The following SV2B variants were observed in gnomAD, a reference collection of about 807,000 sequenced individuals.
SV2B encodes the protein synaptic vesicle glycoprotein 2B, also known as solute carrier family 22 member B2.
A neutral mutation model predicts 73.9 loss-of-function variants in SV2B; 41 were observed. The observed-to-expected ratio is 0.56, with a 90% CI of 0.43 to 0.72. The LOEUF is 0.72. Ranked by LOEUF, SV2B falls within the 30% of genes least tolerant of loss-of-function variation. The pLI, the probability that SV2B is intolerant of heterozygous loss-of-function variation, is 0.00. For missense variants in SV2B, 764 were observed against 857.8 expected (o/e 0.89, Z 1.37); for synonymous variants, 314 against 314.2 (o/e 1.00, Z 0.01).
At chr15:91,230,339 T>C (rs2046530707) in intron 2 of SV2B, among the ~76,000 whole-genome samples, 1 of 152,080 alleles carries the variant, frequency 6.6e-6, no homozygotes, top group South Asian at 2.1e-4. Flanking sequence ...GGAAAGGAAT[T>C]CAGTAAGAGA....
At chr15:91,207,529 C>T (rs542463207) in intron 1 of SV2B, among the ~76,000 whole-genome samples, 11 of 152,096 alleles carry the variant, frequency 7.2e-5, no homozygotes, top group East Asian at 1.9e-4. Flanking sequence ...GTCAATTTAT[C>T]GGGGGCAATA....
chr15:91,282,552 A>G (rs1347838233), intron 10 of SV2B, among the ~76,000 whole-genome samples: 1 of 152,108 alleles, frequency 6.6e-6, no homozygotes, highest in Non-Finnish European at 1.5e-5. Context: ...TTTTTTTTTA[A>G]TCCTTCTCTT....
At chr15:91,158,703 C>CTCTTCTCTTCTCTTCTCTT (rs1567300692) in intron 1 of SV2B, among the ~76,000 whole-genome samples, 1 of 40,278 alleles carries the variant, frequency 2.5e-5, no homozygotes, top group Admixed American at 2.7e-4. Flanking sequence ...TCTCTTCTCT[C>CTCTTCTCTTCTCTTCTCTT]CTCTCCTCTC....
At chr15:91,120,999 C>T (rs906945739) in intron 1 of SV2B, among the ~76,000 whole-genome samples, 1 of 152,130 alleles carries the variant, frequency 6.6e-6, no homozygotes, top group Non-Finnish European at 1.5e-5. Context: ...GAAGCCTGAA[C>T]TGTTAACCTC....
At chr15:91,190,168 G>A (rs987170822) in intron 1 of SV2B, among the ~76,000 whole-genome samples, 3 of 151,918 alleles carry the variant, frequency 2.0e-5, no homozygotes, top group Non-Finnish European at 1.5e-5. Context: ...TGTGCACAAC[G>A]TGCAGGTTTG....
In SV2B at chr15:91,240,841, G is replaced by A. The variant is rs149433906; in HGVS notation, c.452-10978G>A. On this transcript the variant is annotated intron_variant, in intron 2 of 12. Coordinates refer to ENST00000394232, the MANE Select transcript of SV2B (RefSeq NM_001323032.3). The surrounding 1 kb of genome is among the most constrained non-coding windows in gnomAD (Gnocchi z 4.6). ...TCCTCTGAGGATGTTAATTAGCCCTGCAGCCTCAGATGAGTGCTCTTGGCC... is the reference window on the plus strand; with the variant it reads ...TCCTCTGAGGATGTTAATTAGCCCTACAGCCTCAGATGAGTGCTCTTGGCC... Among the ~76,000 whole-genome samples the A allele has an allele frequency of 4.9e-4, 75 of 152,238 alleles. No homozygotes were observed. Among genetic ancestry groups the A allele is most frequent in the African/African-American group, 1.5e-3 (64 of 41,536 alleles).
At chr15:91,117,244 T>G (rs532681502) in intron 1 of SV2B, among the ~76,000 whole-genome samples, 1 of 152,316 alleles carries the variant, frequency 6.6e-6, no homozygotes, top group African/African-American at 2.4e-5. Flanking sequence ...GTGCTAAAAT[T>G]CTCTGCACCT....
Position 91,281,590 on chromosome 15 carries a change from A to G in SV2B, c.1374-138A>G. On this transcript the variant is annotated intron_variant, in intron 9 of 12. Transcript: ENST00000394232. The surrounding 1 kb of genome is among the most constrained non-coding windows in gnomAD (Gnocchi z 4.7). ...TAAACAAACAGCTAAGAAGTGGGGA[A>G]GTGGTCTGGGTTGAAAATAATGCTC... 1 of 941,496 alleles carries G rather than the reference A, an allele frequency of 1.1e-6. No homozygotes were observed. 58.3% of individuals were successfully genotyped at this position (941,496 alleles called of 1,614,324 possible).
At chr15:91,157,436 C>G (rs1265200930) in intron 1 of SV2B, among the ~76,000 whole-genome samples, 1 of 152,150 alleles carries the variant, frequency 6.6e-6, no homozygotes, top group African/African-American at 2.4e-5. Context: ...TAACATTTCC[C>G]TCATTTCTTC....
At chr15:91,191,827 AC>A (rs1354970203) in intron 1 of SV2B, among the ~76,000 whole-genome samples, 26 of 152,280 alleles carry the variant, frequency 1.7e-4, no homozygotes, top group African/African-American at 6.0e-4. Flanking sequence ...TTTTATATTA[AC>A]TAGTTATTAC....
chr15:91,203,194 A>G (rs1250182184), intron 1 of SV2B, among the ~76,000 whole-genome samples: 2 of 152,210 alleles, frequency 1.3e-5, no homozygotes, highest in Admixed American at 6.5e-5. Flanking sequence ...GACTTGAGCT[A>G]CAAGCCTTTC....
intron 1 of SV2B, among the ~76,000 whole-genome samples, chr15:91,198,475 G>C (rs1440400500): frequency 1.3e-5 from 2 of 151,544 alleles, no homozygotes; most frequent in African/African-American, 2.4e-5. Flanking sequence ...GTGTGTGTGT[G>C]TGTGTGTGTG....
At chr15:91,183,015 T>C (rs1236789928) in intron 1 of SV2B, among the ~76,000 whole-genome samples, 2 of 152,200 alleles carry the variant, frequency 1.3e-5, no homozygotes, top group African/African-American at 2.4e-5. Context: ...AGAGACTCAG[T>C]TCAGATCCTG....
chr15:91,209,126 T>TG (rs2045759007), intron 1 of SV2B, among the ~76,000 whole-genome samples: 1 of 142,550 alleles, frequency 7.0e-6, no homozygotes, highest in South Asian at 2.3e-4. Context: ...TTTTTTTTTT[T>TG]TTTTTTTTTT....
chr15:91,210,893 G>A (rs2045831421), intron 1 of SV2B, among the ~76,000 whole-genome samples: 1 of 152,200 alleles, frequency 6.6e-6, no homozygotes, highest in Non-Finnish European at 1.5e-5. Flanking sequence ...GGACTGTACG[G>A]GACATGAGGG....
intron 9 of SV2B, among the ~76,000 whole-genome samples, chr15:91,275,457 A>G (rs2048454477): frequency 6.6e-6 from 1 of 152,190 alleles, no homozygotes; most frequent in Admixed American, 6.5e-5. Context: ...TGTTTTACAT[A>G]TGCTATAAAC....
At position 91,129,629 on chromosome 15, in the gene SV2B, G is replaced by T. The variant is rs1247363023; in HGVS notation, c.-392+29266G>T. ...ATCTGGTTGCCTCCAGATGGCTTTAGGGGCCATGCAGAGGGCAGTGGTAGG... is the reference window on the plus strand; with the variant it reads ...ATCTGGTTGCCTCCAGATGGCTTTATGGGCCATGCAGAGGGCAGTGGTAGG... On this transcript the variant is annotated intron_variant, in intron 1 of 12. Transcript: ENST00000394232. This position sits in a 1 kb window ranked among gnomAD's most constrained non-coding sequence, Gnocchi z 5.1. Among the ~76,000 whole-genome samples, 3 of 152,346 alleles carry T rather than the reference G, an allele frequency of 2.0e-5. No homozygotes were observed. The highest frequency in any genetic ancestry group is 4.4e-5 in the Non-Finnish European group (3 of 68,032).
rs550900801 is a variant in SV2B at position 91,140,945 on chromosome 15, A to C, written c.-392+40582A>C. Among the ~76,000 whole-genome samples the C allele has an allele frequency of 1.8e-4, 27 of 152,148 alleles. No individual in the cohort carries two copies. The highest frequency in any genetic ancestry group is 3.9e-4 in the Admixed American group (6 of 15,282). On this transcript the variant is annotated intron_variant, in intron 1 of 12. Coordinates refer to ENST00000394232, the MANE Select transcript of SV2B (RefSeq NM_001323032.3). This position sits in a 1 kb window ranked among gnomAD's most constrained non-coding sequence, Gnocchi z 4.4. ...AGAAACCACACAGCCTCAGATGAAC[A>C]TATGTTAACACTAAGATTCTCCACA...
rs2049338393 is a variant in SV2B at position 91,298,861 on chromosome 15, T to G, written c.*6309T>G. On this transcript the variant is annotated 3_prime_UTR_variant, in exon 13 of 13. Coordinates refer to ENST00000394232, the MANE Select transcript of SV2B (RefSeq NM_001323032.3). This position sits in a 1 kb window ranked among gnomAD's most constrained non-coding sequence, Gnocchi z 5.4. Reference sequence around the variant, plus strand: ...TCACAGCTACTGTCACTCAGGAGGATGAGCCATTTAAAAATGGTGGCCCTG... The same window carrying G: ...TCACAGCTACTGTCACTCAGGAGGAGGAGCCATTTAAAAATGGTGGCCCTG... The G allele has an allele frequency of 6.6e-6, 1 of 152,182 alleles. No homozygotes were observed. Among genetic ancestry groups the G allele is most frequent in the South Asian group, 2.1e-4 (1 of 4,836 alleles). 9.4% of individuals were successfully genotyped at this position (152,182 alleles called of 1,614,324 possible). A position where few individuals can be genotyped will look rare whatever the true frequency, so the allele number is the denominator to read the frequency against.
Sources: allele counts gnomAD v4.1 joint callset (sites outside exome capture counted in the v4.1 genomes callset), GRCh38; gene constraint gnomAD v4.1.1; non-coding constraint Gnocchi (gnomAD v3.1); transcripts MANE v1.5; gene names NCBI Gene and HGNC (gene_info 2026-07-23, HGNC 2026-07-21).